KCNJ6: variants seen among roughly 807,000 people sequenced by gnomAD.
KCNJ6 encodes the protein G protein-activated inward rectifier potassium channel 2.
A neutral mutation model predicts 34.2 loss-of-function variants in KCNJ6; 9 were observed. That is an observed-to-expected ratio of 0.26 (90% CI 0.16 to 0.46). The LOEUF is 0.46. Among genes scored for constraint, KCNJ6 ranks in the 20% least tolerant of loss-of-function variants. The pLI, the probability that KCNJ6 is intolerant of heterozygous loss-of-function variation, is 1.00. For synonymous variants in KCNJ6, 196 were observed against 207.1 expected, an observed-to-expected ratio of 0.95 and a Z score of 0.46; for missense variants, 236 against 531.3, an observed-to-expected ratio of 0.44 and a Z score of 5.46.
chr21:37,681,071 G>A (rs933999184), intron 3 of KCNJ6, among the ~76,000 whole-genome samples: 1 of 152,230 alleles, frequency 6.6e-6, no homozygotes, highest in Non-Finnish European at 1.5e-5. Context: ...GATCATGTTG[G>A]TTGTGAATGT....
chr21:37,792,190 T>C (rs1461893991), intron 2 of KCNJ6, among the ~76,000 whole-genome samples: 3 of 152,204 alleles, frequency 2.0e-5, no homozygotes, highest in Admixed American at 1.3e-4. Flanking sequence ...CTGCAAATGC[T>C]TGTGCATCAG....
At chr21:37,836,292 G>T (rs371640701) in intron 2 of KCNJ6, among the ~76,000 whole-genome samples, 1 of 152,216 alleles carries the variant, frequency 6.6e-6, no homozygotes, top group African/African-American at 2.4e-5. Context: ...CTGTTGGTGG[G>T]AGTGTAAATT....
intron 1 of KCNJ6, among the ~76,000 whole-genome samples, chr21:37,879,179 T>G (rs778988463): frequency 1.3e-5 from 2 of 152,112 alleles, no homozygotes; most frequent in Non-Finnish European, 2.9e-5. Flanking sequence ...ATGAGACATA[T>G]TCCCTTCCCC....
At chr21:37,786,483 T>C (rs1356508340) in intron 2 of KCNJ6, among the ~76,000 whole-genome samples, 1 of 152,220 alleles carries the variant, frequency 6.6e-6, no homozygotes, top group Non-Finnish European at 1.5e-5. Flanking sequence ...GGCCATCTCC[T>C]TTCAGAAGAA....
rs1321760988 is a variant in KCNJ6 at position 37,613,050 on chromosome 21, G to A, written c.*12109C>T. Reference sequence around the variant, plus strand: ...ATTTACAGAAGACACATCTGATAAAGAATTATTATCTAAAATTTACAAAGA... The same window carrying A: ...ATTTACAGAAGACACATCTGATAAAAAATTATTATCTAAAATTTACAAAGA... On this transcript the variant is annotated 3_prime_UTR_variant, in exon 4 of 4. Transcript: ENST00000609713. 1 of 152,032 alleles carries A rather than the reference G, an allele frequency of 6.6e-6. No homozygotes were observed. The allele number at this position is 152,032 out of a possible 1,614,324, so 9.4% of individuals were successfully genotyped here.
At chr21:37,784,733 G>T (rs2055185162) in intron 2 of KCNJ6, among the ~76,000 whole-genome samples, 1 of 152,064 alleles carries the variant, frequency 6.6e-6, no homozygotes, top group Non-Finnish European at 1.5e-5. Flanking sequence ...GTCTGTGCCT[G>T]CCTGGCTCCT....
chr21:37,827,309 G>A (rs1341153015), intron 2 of KCNJ6, among the ~76,000 whole-genome samples: 2 of 152,150 alleles, frequency 1.3e-5, no homozygotes, highest in Non-Finnish European at 2.9e-5. Flanking sequence ...TATTTGGCAG[G>A]AAAGATCACT....
intron 3 of KCNJ6, among the ~76,000 whole-genome samples, chr21:37,700,422 G>A (rs74353904): frequency 0.015 from 2,346 of 152,338 alleles, 70 homozygotes; most frequent in African/African-American, 0.054. Context: ...GACACCTGGA[G>A]AGGTGCCATG....
chr21:37,646,796 C>T (rs1284941375), intron 3 of KCNJ6, among the ~76,000 whole-genome samples: 1 of 151,914 alleles, frequency 6.6e-6, no homozygotes. Flanking sequence ...TCAGCCTCCC[C>T]AGTAGCTGGG....
At chr21:37,657,108 C>T (rs1485381465) in intron 3 of KCNJ6, among the ~76,000 whole-genome samples, 1 of 152,130 alleles carries the variant, frequency 6.6e-6, no homozygotes, top group Non-Finnish European at 1.5e-5. Flanking sequence ...TCTGAGAAGC[C>T]AAGGGGACCA....
At chr21:37,827,126 C>T (rs1345093895) in intron 2 of KCNJ6, among the ~76,000 whole-genome samples, 1 of 152,168 alleles carries the variant, frequency 6.6e-6, no homozygotes, top group East Asian at 1.9e-4. Flanking sequence ...AAAAATATCC[C>T]TAGCAACTAA....
At chr21:37,659,394 T>C (rs1239424132) in intron 3 of KCNJ6, among the ~76,000 whole-genome samples, 4 of 152,106 alleles carry the variant, frequency 2.6e-5, no homozygotes, top group African/African-American at 9.7e-5. Context: ...TGTGGTGGAG[T>C]AGGGGCCTGT....
intron 3 of KCNJ6, among the ~76,000 whole-genome samples, chr21:37,662,569 T>TATGC (rs2054494678): frequency 6.6e-6 from 1 of 152,252 alleles, no homozygotes; most frequent in African/African-American, 2.4e-5. Context: ...GCAATGAACA[T>TATGC]ATGCATGCAT....
chr21:37,899,717 T>C (rs755549730), intron 1 of KCNJ6, among the ~76,000 whole-genome samples: 12 of 152,180 alleles, frequency 7.9e-5, no homozygotes, highest in Non-Finnish European at 1.6e-4. Context: ...AAATCCTAGC[T>C]ACCTGGTACA....
chr21:37,736,514 G>T (rs1056709248), intron 2 of KCNJ6, among the ~76,000 whole-genome samples: 3 of 152,302 alleles, frequency 2.0e-5, no homozygotes, highest in Non-Finnish European at 2.9e-5. Flanking sequence ...GAAAAGAGAA[G>T]TTGCTTTTGA....
chr21:37,889,227 C>T lies in KCNJ6; in HGVS notation c.-28+26657G>A, dbSNP rs148303648. Reference sequence around the variant, plus strand: ...TAAGTGGAGTTCAGGTCTAAAGAAACGAGGTTCTACCTCTGGATGTTTTGA... The same window carrying T: ...TAAGTGGAGTTCAGGTCTAAAGAAATGAGGTTCTACCTCTGGATGTTTTGA... On this transcript the variant is annotated intron_variant, in intron 1 of 3. Transcript: ENST00000609713. 5.6e-4 allele frequency among the ~76,000 whole-genome samples: 85 copies of T among 152,250 alleles called. 1 individual carries two copies. The highest frequency in any genetic ancestry group is 1.2e-4 in the Non-Finnish European group (8 of 68,014).
intron 1 of KCNJ6, among the ~76,000 whole-genome samples, chr21:37,860,652 C>T (rs556374744): frequency 3.3e-5 from 5 of 152,284 alleles, no homozygotes; most frequent in Admixed American, 2.6e-4. Context: ...CAGTCTTTGA[C>T]TTTCTTGCCC....
rs558236331 is a variant in KCNJ6, at chr21:37,661,673, G to T, written c.947-36189C>A. ...GAGTCTCTCTCTGTCGCCCAGGCTG[G>T]AGTGCAGTGGCGCGATCTCGCTCAC... On this transcript the variant is annotated intron_variant, in intron 3 of 3. Transcript: ENST00000609713. 4.5e-4 allele frequency among the ~76,000 whole-genome samples: 57 copies of T among 125,366 alleles called. 1 individual carries two copies. Among genetic ancestry groups the T allele is most frequent in the Admixed American group, 1.7e-3 (16 of 9,476 alleles). The allele number at this position is 125,366 out of a possible 152,430, so 82.2% of individuals were successfully genotyped here.
intron 2 of KCNJ6, among the ~76,000 whole-genome samples, chr21:37,839,907 C>G (rs1039387318): frequency 1.4e-4 from 21 of 152,178 alleles, no homozygotes; most frequent in South Asian, 2.1e-4. Flanking sequence ...GATTCTCCTG[C>G]CTCAGCTTCC....
Sources: allele counts gnomAD v4.1 joint callset (sites outside exome capture counted in the v4.1 genomes callset), GRCh38; gene constraint gnomAD v4.1.1; transcripts MANE v1.5; gene names NCBI Gene and HGNC (gene_info 2026-07-23, HGNC 2026-07-21).